SH3TC2: variants seen among roughly 807,000 people sequenced by gnomAD.
SH3TC2 encodes SH3 domain and tetratricopeptide repeats 2, also known as SH3 domain and tetratricopeptide repeat-containing protein 2.
In SH3TC2, 87 loss-of-function variants were observed where a neutral mutation model predicts 124.5. The observed-to-expected ratio is 0.70, with a 90% confidence interval of 0.59 to 0.84. The LOEUF (loss-of-function observed/expected upper bound fraction) is 0.84. Among genes scored for constraint, SH3TC2 ranks in the 40% least tolerant of loss-of-function variants. The pLI is 0.00. For missense variants in SH3TC2, 1,536 were observed against 1,566.4 expected (o/e 0.98, Z 0.33); for synonymous variants, 634 against 628.5 (o/e 1.01, Z -0.13).
intron 1 of SH3TC2, among the ~76,000 whole-genome samples, chr5:149,055,945 A>T (rs781732274): frequency 2.0e-5 from 3 of 152,138 alleles, no homozygotes; most frequent in African/African-American, 4.8e-5. Flanking sequence ...TAAATCCAAT[A>T]CAACAATGAG....
chr5:149,000,503 G>T lies in SH3TC2; in HGVS notation c.*4208C>A, dbSNP rs1753579953. 1.3e-5 allele frequency among the ~76,000 whole-genome samples: 2 copies of T among 152,074 alleles called. No homozygotes were observed. Among genetic ancestry groups the T allele is most frequent in the African/African-American group, 4.8e-5 (2 of 41,396 alleles). ...CCATTATTTACATAATTCTGTTTAT[G>T]GAAAACAATACAAGTTTTTCTTCTA... On this transcript the variant is annotated 3_prime_UTR_variant, in exon 17 of 17. Coordinates refer to ENST00000515425, the MANE Select transcript of SH3TC2 (RefSeq NM_024577.4).
chr5:149,059,740 T>C (rs1459525712), intron 1 of SH3TC2, among the ~76,000 whole-genome samples: 2 of 152,136 alleles, frequency 1.3e-5, no homozygotes, highest in African/African-American at 4.8e-5. Flanking sequence ...TTCATGAATA[T>C]GTAGTGAAAG....
chr5:149,004,420 G>T lies in SH3TC2; in HGVS notation c.*291C>A. 1 of 408,164 alleles carries T rather than the reference G, an allele frequency of 2.4e-6. No homozygotes were observed. The highest frequency in any genetic ancestry group is 4.0e-5 in the Admixed American group (1 of 24,838). The allele number at this position is 408,164 out of a possible 1,614,324, so 25.3% of individuals were successfully genotyped here. ...AGGGCAAGATCCCTCATCTTCTCCA[G>T]AATTATGTATGGAGAAAGTGCTTTT... On this transcript the variant is annotated 3_prime_UTR_variant, in exon 17 of 17. Transcript: ENST00000515425.
At position 149,012,572 on chromosome 5, in the gene SH3TC2, C is replaced by T; in HGVS notation, c.3204+12G>A. ...AGTCAACAACTCCCAGAGAGCTCTGCAGGAGGCCTACCTGCAGGCACAGCT... is the reference window on the plus strand; with the variant it reads ...AGTCAACAACTCCCAGAGAGCTCTGTAGGAGGCCTACCTGCAGGCACAGCT... On this transcript the variant is annotated intron_variant, in intron 13 of 16. Transcript: ENST00000515425. 6.2e-7 allele frequency: 1 copy of T among 1,614,114 alleles called. No homozygotes were observed.
rs915400636 is a variant in SH3TC2 at position 148,989,341 on chromosome 5, C to T, written c.*15370G>A. On this transcript the variant is annotated 3_prime_UTR_variant, in exon 17 of 17. Transcript: ENST00000515425. The stretch of plus-strand genomic sequence containing the variant: ...CATTTTACAGTTGAAAGAGCCATAG[C>T]TCAGAAAGATAAAGTGATTTGTTAA... 2.0e-5 allele frequency among the ~76,000 whole-genome samples: 3 copies of T among 152,184 alleles called. No individual in the cohort carries two copies. Among genetic ancestry groups the T allele is most frequent in the African/African-American group, 7.2e-5 (3 of 41,444 alleles).
rs913145437 is a variant in SH3TC2, at chr5:149,044,790, A to G, written c.280-152T>C. The G allele has an allele frequency of 7.1e-5, 46 of 647,736 alleles. No individual in the cohort carries two copies. The Admixed American group carries it at 1.1e-3, about 15-fold the overall frequency. The allele number at this position is 647,736 out of a possible 1,614,324, so 40.1% of individuals were successfully genotyped here. A position where few individuals can be genotyped will look rare whatever the true frequency, so the allele number is the denominator to read the frequency against. On this transcript the variant is annotated intron_variant, in intron 3 of 16. Transcript: ENST00000515425. ...GGAAACAACTTAAATATTCATCAAT[A>G]AGAGATTGGTTAAAATGGAGTACAA...
At chr5:149,015,544 G>A (rs954806885) in intron 12 of SH3TC2, among the ~76,000 whole-genome samples, 4 of 152,144 alleles carry the variant, frequency 2.6e-5, no homozygotes, top group African/African-American at 7.2e-5. Context: ...CCTGTGTTCC[G>A]GCATGTTATC....
chr5:149,058,977 G>GT (rs1367614256), intron 1 of SH3TC2, among the ~76,000 whole-genome samples: 1 of 152,142 alleles, frequency 6.6e-6, no homozygotes, highest in Non-Finnish European at 1.5e-5. Context: ...GGAGGTGAGT[G>GT]TAAGAATGTG....
rs1285736923 is a variant in SH3TC2, at chr5:148,989,823, GAGA to G, written c.*14885_*14887del. On this transcript the variant is annotated 3_prime_UTR_variant, in exon 17 of 17. Transcript: ENST00000515425. ...CAGAAGCAGCTGGAATGAACGGAGA[GAGA>G]AGAACTATATAGCAACCAGGACATT... is the stretch of plus-strand genomic sequence containing the variant. Among the ~76,000 whole-genome samples the G allele has an allele frequency of 6.6e-6, 1 of 152,154 alleles. No individual in the cohort carries two copies. Among genetic ancestry groups the G allele is most frequent in the Non-Finnish European group, 1.5e-5 (1 of 68,034 alleles).
intron 9 of SH3TC2, among the ~76,000 whole-genome samples, chr5:149,029,830 T>TAGCTTCTC (rs148913675): frequency 0.02 from 3,065 of 152,234 alleles, 34 homozygotes; most frequent in Middle Eastern, 0.034. Flanking sequence ...AGGTGAAGGC[T>TAGCTTCTC]AGCTTCACAC....
rs939184464 is a variant in SH3TC2, at chr5:149,026,611, T to C, written c.3014A>G (p.Glu1005Gly). Residue 1005 changes from glutamate (E) to glycine (G), a missense_variant, in exon 12 of 17, where the codon GAG becomes GGG. Glu to Gly is a moderately conservative substitution (Grantham distance 98). Around this residue, in one of 3 missense-constraint regions of SH3TC2, gnomAD observed 426 missense variants for 443.5 expected, o/e 0.96. Coordinates refer to ENST00000515425, the MANE Select transcript of SH3TC2 (RefSeq NM_024577.4). ...RDREMEGRLL[E>G]SLGQLYRNLN... ...GTTCCGATAAAGCTGCCCCAGGGAC[T>C]CCAGCAGCCTCCCTTCCATCTCCCG... 1 of 1,614,198 alleles carries C rather than the reference T, an allele frequency of 6.2e-7. No homozygotes were observed. Among genetic ancestry groups the C allele is most frequent in the Non-Finnish European group, 8.5e-7 (1 of 1,180,030 alleles).
In SH3TC2 at chr5:149,012,740, G is replaced by A; in HGVS notation, c.3054-6C>T. 1.2e-6 allele frequency: 2 copies of A among 1,614,042 alleles called. No homozygotes were observed. The highest frequency in any genetic ancestry group is 1.3e-5 in the African/African-American group (1 of 75,008). On this transcript the variant is annotated splice_region_variant and splice_polypyrimidine_tract_variant and intron_variant, in intron 12 of 16. Transcript: ENST00000515425. ...TGAGTGACCTCCTGAGGGACCTGGG[G>A]ACAGACATGAACTTGTGAGGTGTGA...
In SH3TC2 at chr5:148,988,529, C is replaced by T. The variant is rs1753370606; in HGVS notation, c.*16182G>A. 6.6e-6 allele frequency among the ~76,000 whole-genome samples: 1 copy of T among 152,218 alleles called. No homozygotes were observed. The highest frequency in any genetic ancestry group is 6.5e-5 in the Admixed American group (1 of 15,286). On this transcript the variant is annotated 3_prime_UTR_variant, in exon 17 of 17. Transcript: ENST00000515425. ...GAATGCACTCTCTTGGAACCAGCCA[C>T]CATGCTGTAAGACGGCCAAGCCACA...
rs1283115380 is a variant in SH3TC2 at position 148,984,565 on chromosome 5, C to A, written c.*20146G>T. On this transcript the variant is annotated 3_prime_UTR_variant, in exon 17 of 17. Coordinates refer to ENST00000515425, the MANE Select transcript of SH3TC2 (RefSeq NM_024577.4). ...TGAGCATTCCTTGACTAAGTCGAAA[C>A]CCCTGACTCAGTCTTCTGCCTCACT... Among the ~76,000 whole-genome samples, 2 of 152,064 alleles carry A rather than the reference C, an allele frequency of 1.3e-5. No homozygotes were observed. The highest frequency in any genetic ancestry group is 4.8e-5 in the African/African-American group (2 of 41,420).
rs1349826060 is a variant in SH3TC2, at chr5:148,996,520, T to C, written c.*8191A>G. Among the ~76,000 whole-genome samples the C allele has an allele frequency of 6.6e-6, 1 of 152,168 alleles. No individual in the cohort carries two copies. Among genetic ancestry groups the C allele is most frequent in the Non-Finnish European group, 1.5e-5 (1 of 68,022 alleles). On this transcript the variant is annotated 3_prime_UTR_variant, in exon 17 of 17. Coordinates refer to ENST00000515425, the MANE Select transcript of SH3TC2 (RefSeq NM_024577.4). ...AGTTTTGTTTTGTTTTATGAATAAG[T>C]AGCTTTTTGGTCACCAGGATTACCA...
In SH3TC2 at chr5:148,985,086, T is replaced by C. The variant is rs550566268; in HGVS notation, c.*19625A>G. On this transcript the variant is annotated 3_prime_UTR_variant, in exon 17 of 17. Coordinates refer to ENST00000515425, the MANE Select transcript of SH3TC2 (RefSeq NM_024577.4). ...TCTTCTTGATAGAACTTTTATTGGT[T>C]CTGACTCCACTTGACATCCTCAGAA... is the stretch of plus-strand genomic sequence containing the variant. 1.3e-5 allele frequency among the ~76,000 whole-genome samples: 2 copies of C among 152,000 alleles called. No homozygotes were observed. Among genetic ancestry groups the C allele is most frequent in the South Asian group, 4.2e-4 (2 of 4,806 alleles).
intron 1 of SH3TC2, among the ~76,000 whole-genome samples, chr5:149,053,452 G>A (rs545395753): frequency 1.3e-5 from 2 of 152,306 alleles, no homozygotes; most frequent in East Asian, 3.9e-4. Context: ...GCAGAAGCAG[G>A]GGCCTGTCAG....
rs1422098391 is a variant in SH3TC2 at position 148,995,266 on chromosome 5, T to C, written c.*9445A>G. On this transcript the variant is annotated 3_prime_UTR_variant, in exon 17 of 17. Transcript: ENST00000515425. ...GATTTTCCAGGTCAGACAAAAGTGA[T>C]TTTGAATCTCTGCAAACATCTGAAA... Among the ~76,000 whole-genome samples, 1 of 152,240 alleles carries C rather than the reference T, an allele frequency of 6.6e-6. No homozygotes were observed. The highest frequency in any genetic ancestry group is 1.5e-5 in the Non-Finnish European group (1 of 68,040).
intron 12 of SH3TC2, among the ~76,000 whole-genome samples, chr5:149,023,203 T>C (rs923429075): frequency 6.6e-5 from 10 of 152,170 alleles, no homozygotes; most frequent in African/African-American, 2.2e-4. Context: ...ATTTGGATTG[T>C]TTTTTCTAAC....
Sources: gnomAD v4.1 joint callset for allele counts (sites outside exome capture counted in the v4.1 genomes callset) on GRCh38, gnomAD v4.1.1 for gene constraint, gnomAD v4.1.1 regional missense constraint, MANE v1.5 for transcripts, NCBI Gene and HGNC (gene_info 2026-07-23, HGNC 2026-07-21) for gene names.